PRKCQ: variants seen among roughly 807,000 people sequenced by gnomAD.
PRKCQ encodes protein kinase C theta type.
Under a neutral mutation model 91.2 loss-of-function variants are expected in PRKCQ, and 41 were observed. The ratio of observed to expected loss-of-function variants is 0.45; its 90% CI spans 0.35 to 0.58. The LOEUF (loss-of-function observed/expected upper bound fraction) is 0.58, where lower values mean the gene tolerates loss of function less well. Among genes scored for constraint, PRKCQ ranks in the 20% least tolerant of loss-of-function variants. The pLI, the probability that PRKCQ is intolerant of heterozygous loss-of-function variation, is 0.00. For synonymous variants in PRKCQ, 307 were observed against 316.9 expected, an observed-to-expected ratio of 0.97 and a Z score of 0.33; for missense variants, 673 against 896.5, an observed-to-expected ratio of 0.75 and a Z score of 3.18.
chr10:6,427,755 T>C lies in PRKCQ; in HGVS notation c.*452A>G, dbSNP rs1833187279. 5.8e-6 allele frequency: 1 copy of C among 172,028 alleles called. No individual in the cohort carries two copies. Among genetic ancestry groups the C allele is most frequent in the Non-Finnish European group, 1.3e-5 (1 of 79,388 alleles). The allele number at this position is 172,028 out of a possible 1,614,324, so 10.7% of individuals were successfully genotyped here. On this transcript the variant is annotated 3_prime_UTR_variant, in exon 18 of 18. Transcript: ENST00000263125. Reference sequence around the variant, plus strand: ...AGAATAAAACGGGTTAGTGATTACTTGTCTGCGGCTGAGTGAGATCCGCTA... The same window carrying C: ...AGAATAAAACGGGTTAGTGATTACTCGTCTGCGGCTGAGTGAGATCCGCTA...
intron 1 of PRKCQ, among the ~76,000 whole-genome samples, chr10:6,522,052 T>A (rs1564371942): frequency 6.6e-6 from 1 of 152,064 alleles, no homozygotes; most frequent in East Asian, 1.9e-4. Context: ...AAGCGATTCT[T>A]CTGCCTCAAC....
At chr10:6,448,796 C>A (rs4750470) in intron 15 of PRKCQ, among the ~76,000 whole-genome samples, 1 of 151,912 alleles carries the variant, frequency 6.6e-6, no homozygotes, top group East Asian at 1.9e-4. Context: ...GTTCTGCAGA[C>A]ACCGCTGCTG....
chr10:6,556,867 G>A (rs1405425105), intron 1 of PRKCQ, among the ~76,000 whole-genome samples: 1 of 152,028 alleles, frequency 6.6e-6, no homozygotes, highest in Admixed American at 6.6e-5. Context: ...CGGCAGATGA[G>A]CTTGTTAATT....
chr10:6,532,127 AC>A (rs1839420074), intron 1 of PRKCQ, among the ~76,000 whole-genome samples: 1 of 152,072 alleles, frequency 6.6e-6, no homozygotes, highest in Admixed American at 6.5e-5. Context: ...CAGATGTCGG[AC>A]CCTATCAGAC....
chr10:6,433,322 C>T (rs1023458414), intron 16 of PRKCQ, among the ~76,000 whole-genome samples: 19 of 152,308 alleles, frequency 1.2e-4, no homozygotes, highest in Middle Eastern at 3.4e-3. Context: ...AGAATTAGCA[C>T]ATTGTATCTT....
At chr10:6,507,529 A>G in intron 3 of PRKCQ, 33 bp from the exon 4 acceptor site, 1 of 1,582,922 alleles carries the variant, frequency 6.3e-7, no homozygotes, top group South Asian at 1.1e-5. Flanking sequence ...CATCAGTCAG[A>G]ATGTGAAACA....
intron 1 of PRKCQ, among the ~76,000 whole-genome samples, chr10:6,516,997 G>A (rs748323332): frequency 6.6e-6 from 1 of 152,150 alleles, no homozygotes; most frequent in Admixed American, 6.5e-5. Flanking sequence ...GCACTATTCT[G>A]TAAAGGTCTG....
At chr10:6,410,592 TG>T in the PRKCQ span, among the ~76,000 whole-genome samples, 2 of 152,160 alleles carry the variant, frequency 1.3e-5, no homozygotes, top group Non-Finnish European at 2.9e-5. Flanking sequence ...CAAAATAGCC[TG>T]GGGGTGTTGG....
At chr10:6,536,802 G>A (rs1839600861) in intron 1 of PRKCQ, among the ~76,000 whole-genome samples, 1 of 152,172 alleles carries the variant, frequency 6.6e-6, no homozygotes. Flanking sequence ...GGTTTTCTGG[G>A]TAAGAACCCT....
chr10:6,538,944 A>G (rs890747474), intron 1 of PRKCQ, among the ~76,000 whole-genome samples: 2 of 152,138 alleles, frequency 1.3e-5, no homozygotes, highest in South Asian at 4.1e-4. Context: ...TTTGTATTTT[A>G]GTAGAGATGG....
At chr10:6,482,463 A>C (rs2130775836) in intron 11 of PRKCQ, among the ~76,000 whole-genome samples, 1 of 152,322 alleles carries the variant, frequency 6.6e-6, no homozygotes, top group South Asian at 2.1e-4. Context: ...AGACATGCAC[A>C]GGAGGAAGAT....
At position 6,480,768 on chromosome 10, in the gene PRKCQ, G is replaced by C. The variant is rs568904012; in HGVS notation, c.1180-1603C>G. Among the ~76,000 whole-genome samples, 6 of 152,228 alleles carry C rather than the reference G, an allele frequency of 3.9e-5. No homozygotes were observed. In the East Asian group the frequency reaches 1.2e-3, roughly 29 times the overall value. The stretch of plus-strand genomic sequence containing the variant: ...ACTTTTGGGAAAGGCCGAAGTCAAT[G>C]ATGTGACAACAGCCCTGAACATGTA... On this transcript the variant is annotated intron_variant, in intron 11 of 17. Coordinates refer to ENST00000263125, the MANE Select transcript of PRKCQ (RefSeq NM_006257.5).
intron 1 of PRKCQ, among the ~76,000 whole-genome samples, chr10:6,567,864 G>T (rs1253411869): frequency 1.3e-5 from 2 of 151,184 alleles, no homozygotes; most frequent in Non-Finnish European, 3.0e-5. Context: ...ATTTTGTTTT[G>T]GGCATACCTC....
the PRKCQ span, among the ~76,000 whole-genome samples, chr10:6,408,812 T>C: frequency 6.6e-6 from 1 of 152,238 alleles, no homozygotes; most frequent in Non-Finnish European, 1.5e-5. Flanking sequence ...AGGTTGTTGA[T>C]AGGTTTTTGC....
chr10:6,462,235 C>T (rs995361785), intron 14 of PRKCQ, 68 bp downstream of exon 14: 1 of 1,421,390 alleles, frequency 7.0e-7, no homozygotes, highest in African/African-American at 1.4e-5. Context: ...GCACTCGGTG[C>T]AATGATTAAA....
intron 4 of PRKCQ, among the ~76,000 whole-genome samples, chr10:6,502,942 G>T (rs558870671): frequency 3.3e-5 from 5 of 152,302 alleles, no homozygotes; most frequent in Admixed American, 2.6e-4. Flanking sequence ...GGTCAGAGAG[G>T]TCTGCTAAGA....
At chr10:6,537,909 C>T (rs962644415) in intron 1 of PRKCQ, among the ~76,000 whole-genome samples, 1 of 152,198 alleles carries the variant, frequency 6.6e-6, no homozygotes, top group South Asian at 2.1e-4. Flanking sequence ...CTTCCTCCTC[C>T]GAGGCCTCTG....
intron 1 of PRKCQ, among the ~76,000 whole-genome samples, chr10:6,542,134 C>G (rs1197304632): frequency 6.6e-6 from 1 of 152,200 alleles, no homozygotes; most frequent in Non-Finnish European, 1.5e-5. Flanking sequence ...GAAGCCAATA[C>G]AAAGCTCAAT....
chr10:6,444,346 C>T (rs116037264), intron 15 of PRKCQ, among the ~76,000 whole-genome samples: 4,238 of 151,874 alleles, frequency 0.028, 164 homozygotes, highest in African/African-American at 0.083. Context: ...TGGGATTAAC[C>T]GCACCTGGCA....
Sources: allele counts gnomAD v4.1 joint callset (sites outside exome capture counted in the v4.1 genomes callset), GRCh38; gene constraint gnomAD v4.1.1; transcripts MANE v1.5; gene names NCBI Gene and HGNC (gene_info 2026-07-23, HGNC 2026-07-21).